Variants in GRIA3 observed in about 807,000 individuals in gnomAD.
The protein encoded by GRIA3 is glutamate ionotropic receptor AMPA type subunit 3, also known as glutamate receptor 3.
GRIA3 carries 3 observed loss-of-function variants against 63.0 expected under a neutral mutation model. The ratio of observed to expected loss-of-function variants is 0.05; its 90% CI spans 0.02 to 0.12. The LOEUF (loss-of-function observed/expected upper bound fraction) is 0.12, where lower values mean the gene tolerates loss of function less well. GRIA3 is among the 10% of genes least tolerant of loss of function. GRIA3 has a pLI of 1.00. For synonymous variants in GRIA3, 274 were observed against 257.9 expected, an observed-to-expected ratio of 1.06 and a Z score of -0.60; for missense variants, 347 against 700.9, an observed-to-expected ratio of 0.50 and a Z score of 5.70.
chrX:123,413,096 T>C (rs2045515769), intron 10 of GRIA3, among the ~76,000 whole-genome samples: 1 of 111,639 alleles, frequency 9.0e-6, no homozygotes, highest in African/African-American at 3.3e-5. Flanking sequence ...CAACAAAAAG[T>C]CCTGCTTTAT....
At chrX:123,361,332 T>C (rs2045173058) in intron 5 of GRIA3, 1 of 111,891 alleles carries the variant, frequency 8.9e-6, no homozygotes, top group Non-Finnish European at 1.9e-5. Context: ...AAGCCACGTG[T>C]TGTGATCACT....
At position 123,489,617 on chromosome X, in the gene GRIA3, G is replaced by C. The variant is rs1315116935; in HGVS notation, c.*907G>C. ...TCAGTGTGCATTTTAAGTCAATAGA[G>C]CTGAGTATCTAGCATTGAGGTGAGG... On this transcript the variant is annotated 3_prime_UTR_variant, in exon 16 of 16. Transcript: ENST00000620443. 2.7e-5 allele frequency: 3 copies of C among 112,172 alleles called. No homozygotes were observed. Among genetic ancestry groups the C allele is most frequent in the Non-Finnish European group, 5.6e-5 (3 of 53,186 alleles). 9.2% of individuals were successfully genotyped at this position (112,172 alleles called of 1,213,427 possible).
chrX:123,376,469 C>T (rs972341521), intron 5 of GRIA3, among the ~76,000 whole-genome samples: 7 of 111,524 alleles, frequency 6.3e-5, no homozygotes, highest in African/African-American at 2.3e-4. Flanking sequence ...AATCTAGTCT[C>T]GGTTTTCTGT....
At chrX:123,387,614 C>A (rs183165463) in intron 5 of GRIA3, among the ~76,000 whole-genome samples, 49 of 111,590 alleles carry the variant, frequency 4.4e-4, no homozygotes, top group African/African-American at 1.5e-3. Context: ...TCCTTCTATG[C>A]CTAGTTTGTT....
chrX:123,223,288 C>T lies in GRIA3; in HGVS notation c.269-30015C>T, dbSNP rs143715081. 1.6e-4 allele frequency among the ~76,000 whole-genome samples: 18 copies of T among 112,787 alleles called. No homozygotes were observed. In the East Asian group the frequency reaches 3.9e-3, roughly 24 times the overall value. On this transcript the variant is annotated intron_variant, in intron 2 of 15. Transcript: ENST00000620443. ...CCTTTAAATAATAAGCCAACAGATA[C>T]GCAGGAGTTTTATAAGGTATCAATT...
intron 10 of GRIA3, among the ~76,000 whole-genome samples, chrX:123,408,299 G>A (rs979225592): frequency 9.0e-6 from 1 of 111,251 alleles, no homozygotes; most frequent in African/African-American, 3.3e-5. Flanking sequence ...CAGGTTATCC[G>A]ATGTGAGCTA....
chrX:123,217,567 T>A (rs777858443), intron 2 of GRIA3, among the ~76,000 whole-genome samples: 3 of 112,182 alleles, frequency 2.7e-5, no homozygotes, highest in Non-Finnish European at 5.6e-5. Flanking sequence ...CAGTATTTCA[T>A]GTCTTGTTTC....
chrX:123,398,932 A>C (rs2045428905), intron 7 of GRIA3, 129 bp downstream of exon 7: 3 of 525,362 alleles, frequency 5.7e-6, no homozygotes, highest in Non-Finnish European at 6.5e-6. Context: ...AGAGTATGCA[A>C]AGAGGATAAG....
In GRIA3 at chrX:123,305,147, C is replaced by T. The variant is rs752351358; in HGVS notation, c.509-20879C>T. On this transcript the variant is annotated intron_variant, in intron 3 of 15. Transcript: ENST00000620443. ...TTGCTGGAGAAGCTTGCCTGAGCCA[C>T]ATCTATTAAACTTAGGCTTCTAGGA... is the stretch of plus-strand genomic sequence containing the variant. Among the ~76,000 whole-genome samples, 124 of 112,041 alleles carry T rather than the reference C, an allele frequency of 1.1e-3. 1 individual carries two copies. Among genetic ancestry groups the T allele is most frequent in the African/African-American group, 3.9e-3 (120 of 30,904 alleles).
intron 5 of GRIA3, among the ~76,000 whole-genome samples, chrX:123,381,441 G>C (rs999172253): frequency 9.0e-6 from 1 of 111,450 alleles, no homozygotes; most frequent in Non-Finnish European, 1.9e-5. Flanking sequence ...CATTGGTTTG[G>C]GGGGACCATT....
chrX:123,482,897 C>T lies in GRIA3; in HGVS notation c.2538C>T (p.Phe846=). 1 of 1,211,029 alleles carries T rather than the reference C, an allele frequency of 8.3e-7. No individual in the cohort carries two copies. The highest frequency in any genetic ancestry group is 1.1e-6 in the Non-Finnish European group (1 of 895,175). Residue 846 remains phenylalanine, a synonymous_variant, in exon 15 of 16, where the codon TTC becomes TTT. Coordinates refer to ENST00000620443, the MANE Select transcript of GRIA3 (RefSeq NM_007325.5). ...CCATGATGGTGGCTTTGATAGAATT[C>T]TGTTACAAATCACGGGCAGAGTCCA... is the stretch of plus-strand genomic sequence containing the variant. ...GLAMMVALIE[F]CYKSRAESKR...
intron 12 of GRIA3, among the ~76,000 whole-genome samples, chrX:123,464,340 G>A (rs1330189804): frequency 9.0e-6 from 1 of 111,595 alleles, no homozygotes; most frequent in Non-Finnish European, 1.9e-5. Context: ...TTGTAAAAAG[G>A]AATGGGAGTT....
rs977151644 is a variant in GRIA3 at position 123,489,960 on chromosome X, C to A, written c.*1250C>A. The A allele has an allele frequency of 1.8e-5, 2 of 112,539 alleles. No homozygotes were observed. The highest frequency in any genetic ancestry group is 5.6e-4 in the East Asian group (2 of 3,591). The allele number at this position is 112,539 out of a possible 1,213,427, so 9.3% of individuals were successfully genotyped here. A position where few individuals can be genotyped will look rare whatever the true frequency, so the allele number is the denominator to read the frequency against. On this transcript the variant is annotated 3_prime_UTR_variant, in exon 16 of 16. Coordinates refer to ENST00000620443, the MANE Select transcript of GRIA3 (RefSeq NM_007325.5). ...CCTCAGCATCACTTCCAGATCCTTG[C>A]TTGGAGCAGTCTCTCTATTGACTCT...
chrX:123,296,256 T>C (rs912048736), intron 3 of GRIA3, among the ~76,000 whole-genome samples: 8 of 111,184 alleles, frequency 7.2e-5, no homozygotes, highest in Non-Finnish European at 1.5e-4. Context: ...ATTACAGGTC[T>C]CTTGACTTCT....
chrX:123,334,203 T>C (rs2044959474), intron 4 of GRIA3, among the ~76,000 whole-genome samples: 1 of 112,047 alleles, frequency 8.9e-6, no homozygotes, highest in South Asian at 3.7e-4. Flanking sequence ...AGCGAGACTC[T>C]ACTTGTGGTA....
At chrX:123,245,324 G>A (rs1169062556) in intron 2 of GRIA3, among the ~76,000 whole-genome samples, 1 of 111,662 alleles carries the variant, frequency 9.0e-6, no homozygotes, top group African/African-American at 3.3e-5. Flanking sequence ...CTGTTTTATG[G>A]GCAGTTAGAA....
At chrX:123,476,224 T>A (rs766080089) in intron 13 of GRIA3, among the ~76,000 whole-genome samples, 2 of 111,932 alleles carry the variant, frequency 1.8e-5, no homozygotes, top group Non-Finnish European at 3.8e-5. Context: ...GACATAGGCA[T>A]AAATAATAAG....
At chrX:123,424,721 T>C (rs2045581448) in intron 11 of GRIA3, among the ~76,000 whole-genome samples, 2 of 111,630 alleles carry the variant, frequency 1.8e-5, no homozygotes, top group African/African-American at 6.5e-5. Flanking sequence ...TTCAGTCATG[T>C]CAACAACCAA....
chrX:123,376,033 C>A lies in GRIA3; in HGVS notation c.751-18935C>A, dbSNP rs185755001. The stretch of plus-strand genomic sequence containing the variant: ...ATAGGCAATAAAGCAGGATCAAGAG[C>A]CAGCCAACCTGTAAAGTTTATGGAA... On this transcript the variant is annotated intron_variant, in intron 5 of 15. Coordinates refer to ENST00000620443, the MANE Select transcript of GRIA3 (RefSeq NM_007325.5). Among the ~76,000 whole-genome samples, 44 of 111,970 alleles carry A rather than the reference C, an allele frequency of 3.9e-4. No individual in the cohort carries two copies. In the East Asian group the frequency reaches 6.2e-3, roughly 16 times the overall value.
Sources: gnomAD v4.1 joint callset for allele counts (sites outside exome capture counted in the v4.1 genomes callset) on GRCh38, gnomAD v4.1.1 for gene constraint, MANE v1.5 for transcripts, NCBI Gene and HGNC (gene_info 2026-07-23, HGNC 2026-07-21) for gene names.